Variants in ZNF257 observed in about 807,000 individuals in gnomAD.
The protein encoded by ZNF257 is zinc finger protein 257.
Under a neutral mutation model 11.9 loss-of-function variants are expected in ZNF257, and 12 were observed. The ratio of observed to expected loss-of-function variants is 1.01; its 90% CI spans 0.65 to 1.63. ZNF257 has a LOEUF of 1.63. ZNF257 is among the 40% of genes most tolerant of loss of function. The pLI is 0.00. For missense variants in ZNF257, 580 were observed against 665.5 expected (o/e 0.87, Z 1.41); for synonymous variants, 183 against 222.7 (o/e 0.82, Z 1.59).
At chr19:22,082,019 A>C (rs1040114261) in intron 3 of ZNF257, among the ~76,000 whole-genome samples, 1 of 152,060 alleles carries the variant, frequency 6.6e-6, no homozygotes, top group Non-Finnish European at 1.5e-5. Context: ...TATTATCTTC[A>C]TAATCATCTT....
intron 3 of ZNF257, among the ~76,000 whole-genome samples, chr19:22,077,078 C>A (rs1204378675): frequency 2.0e-5 from 3 of 152,024 alleles, no homozygotes; most frequent in Admixed American, 2.0e-4. Flanking sequence ...TTTTGGGAGA[C>A]CAAGACAGAA....
chr19:22,075,108 T>TAGCTTGGTCACA (rs1253199865), intron 3 of ZNF257, among the ~76,000 whole-genome samples: 3 of 152,130 alleles, frequency 2.0e-5, no homozygotes, highest in Admixed American at 6.5e-5. Flanking sequence ...AGAGGGGTTG[T>TAGCTTGGTCACA]AGCTTGGTCA....
At position 22,090,982 on chromosome 19, in the gene ZNF257, G is replaced by A. The variant is rs970723627; in HGVS notation, c.*1540G>A. On this transcript the variant is annotated 3_prime_UTR_variant, in exon 4 of 4. Coordinates refer to ENST00000594947, the MANE Select transcript of ZNF257 (RefSeq NM_033468.4). ...GGTTAACTTAGTGATGTATGAAGTA[G>A]TTGCTCATGTTATGAGAGAAAAACA... 6.6e-6 allele frequency: 1 copy of A among 152,074 alleles called. No individual in the cohort carries two copies. The highest frequency in any genetic ancestry group is 2.4e-5 in the African/African-American group (1 of 41,400). 9.4% of individuals were successfully genotyped at this position (152,074 alleles called of 1,614,324 possible). A position where few individuals can be genotyped will look rare whatever the true frequency, so the allele number is the denominator to read the frequency against.
rs767645310 is a variant in ZNF257, at chr19:22,089,431, CAT to C, written c.1683_1684del (p.His561GlnfsTer89). On this transcript the variant is annotated frameshift_variant, in exon 4 of 4. Coordinates refer to ENST00000594947, the MANE Select transcript of ZNF257 (RefSeq NM_033468.4). LOFTEE classifies it high-confidence loss of function. ...ACNHSSNLTK[H>X]NS is the part of the protein sequence containing the mutation. ...TAACCATTCCTCAAACCTTACTAAA[CAT>C]AATTCATAATGGAGAAAAACCCTAC... The C allele has an allele frequency of 4.8e-4, 770 of 1,605,540 alleles. 4 individuals carry two copies. The highest frequency in any genetic ancestry group is 4.3e-3 in the Middle Eastern group (26 of 6,012).
intron 3 of ZNF257, among the ~76,000 whole-genome samples, chr19:22,084,650 A>G (rs1013922502): frequency 6.6e-6 from 1 of 151,196 alleles, no homozygotes; most frequent in East Asian, 1.9e-4. Context: ...TTTAATTTCT[A>G]TATATTTGTG....
At chr19:22,054,133 C>T (rs937886003) in intron 1 of ZNF257, among the ~76,000 whole-genome samples, 3 of 149,560 alleles carry the variant, frequency 2.0e-5, no homozygotes, top group South Asian at 2.1e-4. Flanking sequence ...AGTGCAGGGG[C>T]GAGATTTCTG....
chr19:22,077,406 A>G (rs1289021872), intron 3 of ZNF257, among the ~76,000 whole-genome samples: 1 of 152,148 alleles, frequency 6.6e-6, no homozygotes, highest in Non-Finnish European at 1.5e-5. Context: ...TGTAAAACTA[A>G]AACTCAATAC....
chr19:22,053,819 G>A (rs1040313454), intron 1 of ZNF257, among the ~76,000 whole-genome samples: 2 of 151,908 alleles, frequency 1.3e-5, no homozygotes, highest in African/African-American at 4.8e-5. Flanking sequence ...CAGCTACTCC[G>A]GAGGCTGAGG....
intron 3 of ZNF257, among the ~76,000 whole-genome samples, chr19:22,081,065 G>C (rs2022347028): frequency 6.6e-6 from 1 of 151,662 alleles, no homozygotes; most frequent in Non-Finnish European, 1.5e-5. Context: ...TTTTAGTAGA[G>C]TCGGGGTTTC....
chr19:22,067,807 C>G (rs563100708), intron 1 of ZNF257, among the ~76,000 whole-genome samples: 2 of 151,966 alleles, frequency 1.3e-5, no homozygotes, highest in South Asian at 2.1e-4. Flanking sequence ...GCACTCCAGC[C>G]TGGGTGACAG....
chr19:22,076,235 A>G (rs988266141), intron 3 of ZNF257, among the ~76,000 whole-genome samples: 1 of 150,470 alleles, frequency 6.6e-6, no homozygotes, highest in Non-Finnish European at 1.5e-5. Flanking sequence ...TTTGTTTTAT[A>G]TAATAGACTC....
At chr19:22,066,684 G>A (rs572915194) in intron 1 of ZNF257, among the ~76,000 whole-genome samples, 90 of 152,326 alleles carry the variant, frequency 5.9e-4, no homozygotes, top group Non-Finnish European at 9.8e-4. Flanking sequence ...TGGCAAAACT[G>A]CCTTTTGTCA....
At chr19:22,058,790 C>G (rs2021713802) in intron 1 of ZNF257, among the ~76,000 whole-genome samples, 1 of 152,136 alleles carries the variant, frequency 6.6e-6, no homozygotes, top group Admixed American at 6.5e-5. Context: ...GCTGTCAGCA[C>G]AGGATTTCTA....
chr19:22,057,088 G>C (rs1035242252), intron 1 of ZNF257, among the ~76,000 whole-genome samples: 1 of 152,066 alleles, frequency 6.6e-6, no homozygotes, highest in African/African-American at 2.4e-5. Flanking sequence ...TTACCTCCTA[G>C]AAGTGTTCAC....
At chr19:22,060,003 A>G (rs2021751186) in intron 1 of ZNF257, among the ~76,000 whole-genome samples, 1 of 152,206 alleles carries the variant, frequency 6.6e-6, no homozygotes, top group East Asian at 1.9e-4. Context: ...GTGTTGGATT[A>G]GAGGCATGAG....
rs115878275 is a variant in ZNF257, at chr19:22,063,478, G to T, written c.4-9331G>T. On this transcript the variant is annotated intron_variant, in intron 1 of 3. Transcript: ENST00000594947. ...TAAATTAAGATCTTTCTAACATTTC[G>T]ATGTGAGCATTTAGTGTTATAAATT... Among the ~76,000 whole-genome samples the T allele has an allele frequency of 2.4e-3, 372 of 152,126 alleles. 2 individuals carry two copies. Among genetic ancestry groups the T allele is most frequent in the African/African-American group, 8.1e-3 (337 of 41,514 alleles).
At chr19:22,070,529 T>C (rs1398690847) in intron 1 of ZNF257, among the ~76,000 whole-genome samples, 1 of 151,384 alleles carries the variant, frequency 6.6e-6, no homozygotes, top group Non-Finnish European at 1.5e-5. Flanking sequence ...TAATAAACAT[T>C]CCATCAGTAC....
intron 3 of ZNF257, among the ~76,000 whole-genome samples, chr19:22,079,474 G>T (rs2022310983): frequency 1.3e-5 from 2 of 152,054 alleles, no homozygotes; most frequent in Non-Finnish European, 2.9e-5. Context: ...CTTCCACATG[G>T]CTGGGGAGGC....
rs75631516 is a variant in ZNF257, at chr19:22,061,876, T to G, written c.3+9241T>G. Among the ~76,000 whole-genome samples the G allele has an allele frequency of 6.3e-3, 966 of 152,228 alleles. 17 individuals are homozygous for G. The East Asian group carries it at 0.067, about 11-fold the overall frequency. ...TAAATTTTGTTGAAAGCTTTTTTTT[T>G]TTGTTGCATCTATTGAGATAATCTT... On this transcript the variant is annotated intron_variant, in intron 1 of 3. Transcript: ENST00000594947.
Sources: allele counts gnomAD v4.1 joint callset (sites outside exome capture counted in the v4.1 genomes callset), GRCh38; gene constraint gnomAD v4.1.1; transcripts MANE v1.5; gene names NCBI Gene and HGNC (gene_info 2026-07-23, HGNC 2026-07-21).